The following ALPK3 variants were observed in gnomAD, a reference collection of about 807,000 sequenced individuals.
ALPK3 encodes the protein alpha-protein kinase 3.
A neutral mutation model predicts 140.0 loss-of-function variants in ALPK3; 102 were observed. That is an observed-to-expected ratio of 0.73 (90% CI 0.62 to 0.86). The LOEUF is 0.86. Ranked by LOEUF, ALPK3 falls within the 40% of genes least tolerant of loss-of-function variation. The probability of loss-of-function intolerance (pLI) is 0.00; values close to 1 mark genes in which losing one functional copy is unlikely to be tolerated. For synonymous variants in ALPK3, 938 were observed against 898.5 expected (o/e 1.04, Z -0.79); for missense variants, 2,254 against 2,208.2 (o/e 1.02, Z -0.42).
At chr15:84,836,310 G>A (rs536369448) in intron 3 of ALPK3, among the ~76,000 whole-genome samples, 3 of 152,192 alleles carry the variant, frequency 2.0e-5, no homozygotes, top group Non-Finnish European at 4.4e-5. Context: ...TTGAACAAAG[G>A]GGTACCATGA....
In ALPK3 at chr15:84,860,079, T is replaced by G; in HGVS notation, c.4129+7T>G. The G allele has an allele frequency of 1.2e-6, 2 of 1,613,964 alleles. No homozygotes were observed. The highest frequency in any genetic ancestry group is 1.7e-6 in the Non-Finnish European group (2 of 1,179,902). On this transcript the variant is annotated splice_region_variant and intron_variant, in intron 9 of 13. Transcript: ENST00000258888. ...TCCAGAGAAGAAGGTGAAGGTATGGTTCCCCCCTGGGGAAGGCGGGGTGGT... is the reference window on the plus strand; with the variant it reads ...TCCAGAGAAGAAGGTGAAGGTATGGGTCCCCCCTGGGGAAGGCGGGGTGGT...
intron 3 of ALPK3, among the ~76,000 whole-genome samples, chr15:84,828,901 T>C (rs1167695814): frequency 1.3e-5 from 2 of 152,252 alleles, no homozygotes; most frequent in Non-Finnish European, 2.9e-5. Flanking sequence ...GCATCTCCTG[T>C]GTTACTGTGG....
chr15:84,849,551 A>G (rs188333146), intron 5 of ALPK3, among the ~76,000 whole-genome samples: 1 of 152,358 alleles, frequency 6.6e-6, no homozygotes, highest in East Asian at 1.9e-4. Flanking sequence ...TAATTGAAAT[A>G]ATACAAAGTA....
chr15:84,843,933 A>G (rs1487376137), intron 5 of ALPK3, among the ~76,000 whole-genome samples: 1 of 152,128 alleles, frequency 6.6e-6, no homozygotes, highest in Non-Finnish European at 1.5e-5. Flanking sequence ...TGTCTCTACT[A>G]AAAATATAAG....
chr15:84,838,144 A>G (rs768311135), intron 3 of ALPK3, among the ~76,000 whole-genome samples: 1 of 151,614 alleles, frequency 6.6e-6, no homozygotes, highest in Non-Finnish European at 1.5e-5. Flanking sequence ...GTGTGGACAG[A>G]TGGATAATAG....
intron 3 of ALPK3, among the ~76,000 whole-genome samples, chr15:84,833,543 G>C (rs562127441): frequency 6.3e-4 from 96 of 152,306 alleles, no homozygotes; most frequent in African/African-American, 2.1e-3. Context: ...TGAGGCTGCT[G>C]TTCTGCTCTT....
At chr15:84,838,687 T>C (rs1412054708) in intron 3 of ALPK3, among the ~76,000 whole-genome samples, 1 of 151,100 alleles carries the variant, frequency 6.6e-6, no homozygotes. Flanking sequence ...TGGCAAGATC[T>C]TGGCTCACTG....
chr15:84,861,620 A>G (rs1018567047), intron 9 of ALPK3, among the ~76,000 whole-genome samples: 3 of 152,208 alleles, frequency 2.0e-5, no homozygotes, highest in Non-Finnish European at 4.4e-5. Context: ...CAGTTGCAAC[A>G]TGGAGATAGT....
intron 12 of ALPK3, among the ~76,000 whole-genome samples, chr15:84,866,884 A>G (rs895294702): frequency 6.6e-6 from 1 of 152,204 alleles, no homozygotes; most frequent in African/African-American, 2.4e-5. Flanking sequence ...CTGATCCAGT[A>G]GAGGCAGGAT....
At chr15:84,821,119 T>A (rs928309716) in intron 1 of ALPK3, among the ~76,000 whole-genome samples, 3 of 152,196 alleles carry the variant, frequency 2.0e-5, no homozygotes, top group Non-Finnish European at 4.4e-5. Context: ...TCAGAGGCAG[T>A]AAATGGGGAG....
chr15:84,820,883 C>G (rs886562110), intron 1 of ALPK3, among the ~76,000 whole-genome samples: 1 of 152,240 alleles, frequency 6.6e-6, no homozygotes, highest in African/African-American at 2.4e-5. Flanking sequence ...CTCAGCCCCA[C>G]AAAGTGTTGG....
intron 3 of ALPK3, among the ~76,000 whole-genome samples, chr15:84,828,650 ACT>A (rs1963514155): frequency 6.6e-6 from 1 of 152,034 alleles, no homozygotes; most frequent in Non-Finnish European, 1.5e-5. Flanking sequence ...GACTGAGAAC[ACT>A]CTCTGCTCCG....
rs750434223 is a variant in ALPK3 at position 84,864,565 on chromosome 15, G to A, written c.4623G>A (p.Pro1541=). ...CSREWGCAEA[P]TASGSSEAMQ... ...GGGAATGGGGCTGTGCTGAGGCTCC[G>A]ACAGCATCTGGCAGCTCTGAGGCCA... Residue 1541 remains proline, a synonymous_variant, in exon 12 of 14, where the codon CCG becomes CCA. Transcript: ENST00000258888. 16 of 1,614,086 alleles carry A rather than the reference G, an allele frequency of 9.9e-6. No homozygotes were observed. Among genetic ancestry groups the A allele is most frequent in the African/African-American group, 1.3e-5 (1 of 74,924 alleles).
At chr15:84,830,626 T>G (rs2141550754) in intron 3 of ALPK3, among the ~76,000 whole-genome samples, 1 of 152,380 alleles carries the variant, frequency 6.6e-6, no homozygotes, top group East Asian at 1.9e-4. Context: ...TTTTGGCAGC[T>G]TTCTAGAAAG....
At chr15:84,864,005 G>C (rs1963977627) in intron 11 of ALPK3, among the ~76,000 whole-genome samples, 1 of 152,214 alleles carries the variant, frequency 6.6e-6, no homozygotes, top group South Asian at 2.1e-4. Context: ...GGCAGGGTCA[G>C]TGTGGATTTT....
rs769015282 is a variant in ALPK3 at position 84,858,458 on chromosome 15, C to T, written c.3720C>T (p.Pro1240=). The T allele has an allele frequency of 1.6e-5, 25 of 1,569,060 alleles. No homozygotes were observed. The African/African-American group carries it at 2.7e-4, about 17-fold the overall frequency. ...AGCTGGCGGCAGGAGACCTGGGCCC[C>T]AGCCCCAAGGCCGGCGGTCTGGACA... ...EEELAAGDLG[P]SPKAGGLDTE... The change falls in exon 6 of 14, where the codon CCC becomes CCT. Residue 1240 remains proline (P), a synonymous_variant. Coordinates refer to ENST00000258888, the MANE Select transcript of ALPK3 (RefSeq NM_020778.5).
chr15:84,828,661 C>T (rs923529945), intron 3 of ALPK3, among the ~76,000 whole-genome samples: 8 of 152,212 alleles, frequency 5.3e-5, no homozygotes, highest in Non-Finnish European at 8.8e-5. Flanking sequence ...CTCTCTGCTC[C>T]GAGCGACATA....
At chr15:84,854,378 C>T (rs112878346) in intron 5 of ALPK3, among the ~76,000 whole-genome samples, 8,709 of 152,134 alleles carry the variant, frequency 0.057, 370 homozygotes, top group Non-Finnish European at 0.089. Flanking sequence ...ACCTCCGCCC[C>T]CGGGTTCAAG....
chr15:84,818,234 T>C (rs1295742984), intron 1 of ALPK3, among the ~76,000 whole-genome samples: 1 of 152,144 alleles, frequency 6.6e-6, no homozygotes, highest in Non-Finnish European at 1.5e-5. Flanking sequence ...CTGTCCAGTT[T>C]GGGGAAGTGA....
Sources: gnomAD v4.1 joint callset for allele counts (sites outside exome capture counted in the v4.1 genomes callset) on GRCh38, gnomAD v4.1.1 for gene constraint, MANE v1.5 for transcripts, NCBI Gene and HGNC (gene_info 2026-07-23, HGNC 2026-07-21) for gene names.